Variants in KCNK12 observed in about 807,000 individuals in gnomAD.
KCNK12 encodes potassium two pore domain channel subfamily K member 12, also known as potassium channel subfamily K member 12.
A neutral mutation model predicts 25.3 loss-of-function variants in KCNK12; 6 were observed. That is an observed-to-expected ratio of 0.24 (90% CI 0.13 to 0.47). KCNK12 has a LOEUF of 0.47. Among genes scored for constraint, KCNK12 ranks in the 20% least tolerant of loss-of-function variants. KCNK12 has a pLI of 0.99. For missense variants in KCNK12, 444 were observed against 661.7 expected, an observed-to-expected ratio of 0.67 and a Z score of 3.61; for synonymous variants, 331 against 311.1, an observed-to-expected ratio of 1.06 and a Z score of -0.67.
rs751708593 is a variant in KCNK12, at chr2:47,556,297, C to G, written c.391+13644G>C. Among the ~76,000 whole-genome samples, 2 of 152,202 alleles carry G rather than the reference C, an allele frequency of 1.3e-5. No homozygotes were observed. The highest frequency in any genetic ancestry group is 2.9e-5 in the Non-Finnish European group (2 of 68,046). On this transcript the variant is annotated intron_variant, in intron 1 of 1. Transcript: ENST00000327876. This position sits in a 1 kb window ranked among gnomAD's most constrained non-coding sequence, Gnocchi z 4.8. ...TGAAGCTGGCATTTGTAAGTGGGCACTTCATCCACTGCCACAGGAGAGAAA... is the reference window on the plus strand; with the variant it reads ...TGAAGCTGGCATTTGTAAGTGGGCAGTTCATCCACTGCCACAGGAGAGAAA...
At position 47,511,316 on chromosome 2, in the gene KCNK12, C is replaced by G. The variant is rs960731223; in HGVS notation, c.*9591G>C. 6.6e-6 allele frequency among the ~76,000 whole-genome samples: 1 copy of G among 152,196 alleles called. No individual in the cohort carries two copies. Among genetic ancestry groups the G allele is most frequent in the Non-Finnish European group, 1.5e-5 (1 of 68,044 alleles). ...GAGTAAATGTGTGAGTTGAAGGGAGCAACCTCATGAGGTTTTGCTTTGTGT... is the reference window on the plus strand; with the variant it reads ...GAGTAAATGTGTGAGTTGAAGGGAGGAACCTCATGAGGTTTTGCTTTGTGT... On this transcript the variant is annotated 3_prime_UTR_variant, in exon 2 of 2. Transcript: ENST00000327876. This position sits in a 1 kb window ranked among gnomAD's most constrained non-coding sequence, Gnocchi z 4.3.
rs1427517648 is a variant in KCNK12, at chr2:47,551,205, C to A, written c.391+18736G>T. ...TATTCCAGACACACTGGCTTCCTTG[C>A]GGCTCCTCCAGCAAACCCTGCAAGC... On this transcript the variant is annotated intron_variant, in intron 1 of 1. Transcript: ENST00000327876. The surrounding 1 kb of genome is among the most constrained non-coding windows in gnomAD (Gnocchi z 5.3). Among the ~76,000 whole-genome samples the A allele has an allele frequency of 6.6e-6, 1 of 152,126 alleles. No individual in the cohort carries two copies. The highest frequency in any genetic ancestry group is 2.4e-5 in the African/African-American group (1 of 41,406).
chr2:47,532,818 A>T lies in KCNK12; in HGVS notation c.392-11010T>A, dbSNP rs150442251. Among the ~76,000 whole-genome samples the T allele has an allele frequency of 1.3e-4, 20 of 152,306 alleles. No homozygotes were observed. The East Asian group carries it at 3.7e-3, about 28-fold the overall frequency. On this transcript the variant is annotated intron_variant, in intron 1 of 1. Coordinates refer to ENST00000327876, the MANE Select transcript of KCNK12 (RefSeq NM_022055.2). ...ATCTGGTAAGCCTCATGTTCAGAAG[A>T]CAAACTCAGCAAGTCTTAACTCCTG...
intron 1 of KCNK12, among the ~76,000 whole-genome samples, chr2:47,558,290 G>C (rs114548779): frequency 6.6e-6 from 1 of 152,368 alleles, no homozygotes; most frequent in Non-Finnish European, 1.5e-5. Flanking sequence ...AAACCAGCAG[G>C]AAGTGTGGGG....
chr2:47,561,711 A>C (rs926153624), intron 1 of KCNK12, among the ~76,000 whole-genome samples: 2 of 152,204 alleles, frequency 1.3e-5, no homozygotes, highest in Admixed American at 6.5e-5. Context: ...CCATGGGGTA[A>C]GAACCATCAT....
rs1238385403 is a variant in KCNK12, at chr2:47,519,356, A to G, written c.*1551T>C. The G allele has an allele frequency of 2.0e-5, 3 of 152,274 alleles. No homozygotes were observed. The highest frequency in any genetic ancestry group is 4.4e-5 in the Non-Finnish European group (3 of 68,066). The allele number at this position is 152,274 out of a possible 1,614,324, so 9.4% of individuals were successfully genotyped here. ...CACATTTGCCAGGGAGAGAGATTTC[A>G]CAGCATGGCTCCAGCTGGAGGCGGT... On this transcript the variant is annotated 3_prime_UTR_variant, in exon 2 of 2. Transcript: ENST00000327876.
chr2:47,509,475 G>A lies in KCNK12; in HGVS notation c.*11432C>T, dbSNP rs1189256687. Among the ~76,000 whole-genome samples, 3 of 152,242 alleles carry A rather than the reference G, an allele frequency of 2.0e-5. No individual in the cohort carries two copies. The highest frequency in any genetic ancestry group is 6.5e-5 in the Admixed American group (1 of 15,284). On this transcript the variant is annotated 3_prime_UTR_variant, in exon 2 of 2. Coordinates refer to ENST00000327876, the MANE Select transcript of KCNK12 (RefSeq NM_022055.2). Reference sequence around the variant, plus strand: ...TCTGATGTCAGCTGGCTGCCAACACGTCAGTTGTATCAGCATTAGCTGGCT... The same window carrying A: ...TCTGATGTCAGCTGGCTGCCAACACATCAGTTGTATCAGCATTAGCTGGCT...
chr2:47,547,817 C>G lies in KCNK12; in HGVS notation c.391+22124G>C, dbSNP rs1370353951. On this transcript the variant is annotated intron_variant, in intron 1 of 1. Transcript: ENST00000327876. This position sits in a 1 kb window ranked among gnomAD's most constrained non-coding sequence, Gnocchi z 5.0. Reference sequence around the variant, plus strand: ...TTCACCGTGTTGGCCAGGCTGGTCTCGAACTCCTACCACATATAAGTGGTT... The same window carrying G: ...TTCACCGTGTTGGCCAGGCTGGTCTGGAACTCCTACCACATATAAGTGGTT... Among the ~76,000 whole-genome samples the G allele has an allele frequency of 6.6e-6, 1 of 152,090 alleles. No homozygotes were observed. The highest frequency in any genetic ancestry group is 1.5e-5 in the Non-Finnish European group (1 of 68,004).
Position 47,520,912 on chromosome 2 carries a change from TG to T in KCNK12, c.1287del (p.Arg430GlyfsTer37). On this transcript the variant is annotated frameshift_variant, in exon 2 of 2. Transcript: ENST00000327876. LOFTEE classifies it high-confidence loss of function. This position sits in a 1 kb window ranked among gnomAD's most constrained non-coding sequence, Gnocchi z 5.0. Reference sequence around the variant, plus strand: ...GGCGCGGGCGGACGGGCGGTCTACCTGGAGGCGCTGGTCTCGGCCAGCCGGT... The same window carrying T: ...GGCGCGGGCGGACGGGCGGTCTACCTGAGGCGCTGGTCTCGGCCAGCCGGT... The part of the protein sequence containing the change: ...MNNRLAETSA[S>X]R The T allele has an allele frequency of 8.0e-7, 1 of 1,251,266 alleles. No individual in the cohort carries two copies. Among genetic ancestry groups the T allele is most frequent in the South Asian group, 3.2e-5 (1 of 30,792 alleles). The allele number at this position is 1,251,266 out of a possible 1,614,324, so 77.5% of individuals were successfully genotyped here.
Position 47,512,426 on chromosome 2 carries a change from C to T in KCNK12, c.*8481G>A. 3 of 1,605,612 alleles carry T rather than the reference C, an allele frequency of 1.9e-6. No homozygotes were observed. Among genetic ancestry groups the T allele is most frequent in the Non-Finnish European group, 2.5e-6 (3 of 1,176,660 alleles). On this transcript the variant is annotated 3_prime_UTR_variant, in exon 2 of 2. Transcript: ENST00000327876. Reference sequence around the variant, plus strand: ...GAGACAGAACCAGGGCAGTGGTGAGCTCTCATGACCTGGTGTCTGTTGCCT... The same window carrying T: ...GAGACAGAACCAGGGCAGTGGTGAGTTCTCATGACCTGGTGTCTGTTGCCT...
chr2:47,570,141 C>A lies in KCNK12; in HGVS notation c.191G>T (p.Gly64Val). 7 of 1,454,348 alleles carry A rather than the reference C, an allele frequency of 4.8e-6. No homozygotes were observed. Among genetic ancestry groups the A allele is most frequent in the Non-Finnish European group, 6.3e-6 (7 of 1,104,906 alleles). 90.1% of individuals were successfully genotyped at this position (1,454,348 alleles called of 1,614,324 possible). A position where few individuals can be genotyped will look rare whatever the true frequency, so the allele number is the denominator to read the frequency against. ...CCAGCGCGCCCGCGCCTCCGCCTCG[C>A]CGGGGCTCTCGAGCGCCGAGAAGAC... ...ATVFSALESP[G>V]EAEARARWGA... Residue 64 changes from glycine (G) to valine (V), a missense_variant, in exon 1 of 2, where the codon GGC becomes GTC. This residue lies in a region of KCNK12 where 106 missense variants were observed against 142.2 expected (regional missense o/e 0.75). Transcript: ENST00000327876.
chr2:47,549,732 G>A (rs1195699435), intron 1 of KCNK12, among the ~76,000 whole-genome samples: 3 of 152,112 alleles, frequency 2.0e-5, no homozygotes, highest in African/African-American at 4.8e-5. Context: ...TCAGGAGTTC[G>A]AGACCAGCCT....
At chr2:47,527,690 GCCTTTTTCCTGGATGA>G (rs1256837040) in intron 1 of KCNK12, 1 of 152,292 alleles carries the variant, frequency 6.6e-6, no homozygotes, top group African/African-American at 2.4e-5. Context: ...TTGAGGATCT[GCCTTTTTCCTGGATGA>G]CCAAACCTAG....
At chr2:47,561,746 A>G (rs1049468599) in intron 1 of KCNK12, among the ~76,000 whole-genome samples, 4 of 152,210 alleles carry the variant, frequency 2.6e-5, no homozygotes, top group Non-Finnish European at 4.4e-5. Context: ...AGAGGAGGCA[A>G]CTGAGGCAAG....
chr2:47,563,839 GA>G (rs1170300790), intron 1 of KCNK12: 1 of 232,614 alleles, frequency 4.3e-6, no homozygotes, highest in Non-Finnish European at 8.5e-6. Context: ...GCACAATTCT[GA>G]GCTGTTCGAC....
chr2:47,514,161 G>A lies in KCNK12; in HGVS notation c.*6746C>T, dbSNP rs1233102731. On this transcript the variant is annotated 3_prime_UTR_variant, in exon 2 of 2. Transcript: ENST00000327876. This position sits in a 1 kb window ranked among gnomAD's most constrained non-coding sequence, Gnocchi z 5.0. ...TTCCCACACACTGCTCCTCTGCCTG[G>A]GCCACTCTTCCTGCTCCTTGTCAGC... 1.3e-5 allele frequency among the ~76,000 whole-genome samples: 2 copies of A among 152,098 alleles called. No homozygotes were observed. The highest frequency in any genetic ancestry group is 4.8e-5 in the African/African-American group (2 of 41,384).
chr2:47,522,407 A>G (rs1668678697), intron 1 of KCNK12, among the ~76,000 whole-genome samples: 1 of 152,178 alleles, frequency 6.6e-6, no homozygotes, highest in Non-Finnish European at 1.5e-5. Context: ...AATGGTGAAA[A>G]AAGCCAAGTA....
Position 47,528,721 on chromosome 2 carries a change from A to G in KCNK12, c.392-6913T>C, listed in dbSNP as rs984079444. On this transcript the variant is annotated intron_variant, in intron 1 of 1. Coordinates refer to ENST00000327876, the MANE Select transcript of KCNK12 (RefSeq NM_022055.2). The surrounding 1 kb of genome is among the most constrained non-coding windows in gnomAD (Gnocchi z 4.5). ...AGAGCAGACACTTGGGGGCTTTATT[A>G]TGCCACTTTGACAAAAGCTGTGAAG... Among the ~76,000 whole-genome samples, 2 of 152,204 alleles carry G rather than the reference A, an allele frequency of 1.3e-5. No homozygotes were observed. Among genetic ancestry groups the G allele is most frequent in the South Asian group, 2.1e-4 (1 of 4,836 alleles).
Position 47,557,169 on chromosome 2 carries a change from T to A in KCNK12, c.391+12772A>T, listed in dbSNP as rs1259348848. On this transcript the variant is annotated intron_variant, in intron 1 of 1. Transcript: ENST00000327876. The surrounding 1 kb of genome is among the most constrained non-coding windows in gnomAD (Gnocchi z 4.9). ...TTACGTTGAAATCCAATGGCTATTG[T>A]AAGACTTTTAAGAGGTGAGAACTTT... 6.6e-6 allele frequency among the ~76,000 whole-genome samples: 1 copy of A among 152,204 alleles called. No homozygotes were observed. The highest frequency in any genetic ancestry group is 1.9e-4 in the East Asian group (1 of 5,194).
Sources: allele counts gnomAD v4.1 joint callset (sites outside exome capture counted in the v4.1 genomes callset), GRCh38; gene constraint gnomAD v4.1.1; regional missense constraint gnomAD v4.1.1; non-coding constraint Gnocchi (gnomAD v3.1); transcripts MANE v1.5; gene names NCBI Gene and HGNC (gene_info 2026-07-23, HGNC 2026-07-21).